Variants in GALNT2 observed in about 807,000 individuals in gnomAD.
GALNT2 encodes the protein UDP-GalNAc:polypeptide N-acetylgalactosaminyltransferase 2.
Under a neutral mutation model 81.4 loss-of-function variants are expected in GALNT2, and 31 were observed. The observed-to-expected ratio is 0.38, with a 90% confidence interval of 0.29 to 0.51. The LOEUF is 0.51. Among genes scored for constraint, GALNT2 ranks in the 20% least tolerant of loss-of-function variants. GALNT2 has a pLI of 0.87. For synonymous variants in GALNT2, 303 were observed against 287.4 expected (o/e 1.05, Z -0.55); for missense variants, 629 against 765.7 (o/e 0.82, Z 2.11).
intron 1 of GALNT2, among the ~76,000 whole-genome samples, chr1:230,145,230 C>T (rs963887650): frequency 6.6e-6 from 1 of 152,156 alleles, no homozygotes. Flanking sequence ...TGCTTGTTAG[C>T]AGGCAGGTTC....
intron 1 of GALNT2, among the ~76,000 whole-genome samples, chr1:230,122,646 G>C (rs1661054251): frequency 6.6e-6 from 1 of 151,326 alleles, no homozygotes; most frequent in South Asian, 2.1e-4. Context: ...GTACATACGT[G>C]TGTGTGTGTG....
chr1:230,075,787 G>A (rs1659533088), intron 1 of GALNT2, among the ~76,000 whole-genome samples: 1 of 152,170 alleles, frequency 6.6e-6, no homozygotes, highest in Non-Finnish European at 1.5e-5. Flanking sequence ...GGGGATTAGG[G>A]ATGAGGGCGG....
intron 14 of GALNT2, among the ~76,000 whole-genome samples, chr1:230,272,225 T>G (rs1187347552): frequency 6.6e-6 from 1 of 151,912 alleles, no homozygotes; most frequent in Admixed American, 6.6e-5. Context: ...AAGAGCTGGC[T>G]GGAACTCACC....
rs1043908 is a variant in GALNT2, at chr1:230,281,548, A to G, written c.*2090A>G. ...GATGAATCTGGCTCGTTTTAAAATCACGTTTTCTGACGAATCCTTTGCCCC... is the reference window on the plus strand; with the variant it reads ...GATGAATCTGGCTCGTTTTAAAATCGCGTTTTCTGACGAATCCTTTGCCCC... On this transcript the variant is annotated 3_prime_UTR_variant, in exon 16 of 16. Transcript: ENST00000366672. The G allele has an allele frequency of 0.13, 20,193 of 152,070 alleles. 1,509 individuals carry two copies. Among genetic ancestry groups the G allele is most frequent in the African/African-American group, 0.2 (8,359 of 41,374 alleles). The allele number at this position is 152,070 out of a possible 1,614,324, so 9.4% of individuals were successfully genotyped here.
intron 3 of GALNT2, among the ~76,000 whole-genome samples, chr1:230,212,641 A>G (rs939921892): frequency 2.6e-5 from 4 of 152,062 alleles, no homozygotes; most frequent in Non-Finnish European, 5.9e-5. Flanking sequence ...GGAAGTGGCC[A>G]GCAATAATGG....
At chr1:230,155,603 C>T (rs1415964621) in intron 1 of GALNT2, among the ~76,000 whole-genome samples, 1 of 152,194 alleles carries the variant, frequency 6.6e-6, no homozygotes, top group Non-Finnish European at 1.5e-5. Context: ...GCAGGACTCT[C>T]CCAGGACAGT....
intron 1 of GALNT2, among the ~76,000 whole-genome samples, chr1:230,142,668 G>T (rs556704593): frequency 2.8e-4 from 42 of 152,250 alleles, no homozygotes; most frequent in African/African-American, 1.0e-3. Context: ...TGGTGAGTCT[G>T]GAAGTCTAAA....
chr1:230,193,899 G>A lies in GALNT2; in HGVS notation c.221-9238G>A, dbSNP rs1663605731. On this transcript the variant is annotated intron_variant, in intron 2 of 15. Coordinates refer to ENST00000366672, the MANE Select transcript of GALNT2 (RefSeq NM_004481.5). The surrounding 1 kb of genome is among the most constrained non-coding windows in gnomAD (Gnocchi z 4.3). ...GCTGATGCTGGCGGGGCCCCGAGCA[G>A]CCTTCCCGGGGCCTCAGTGCCTATG... 6.6e-6 allele frequency among the ~76,000 whole-genome samples: 1 copy of A among 152,146 alleles called. No homozygotes were observed. Among genetic ancestry groups the A allele is most frequent in the South Asian group, 2.1e-4 (1 of 4,828 alleles).
chr1:230,192,896 A>G (rs1490299822), intron 2 of GALNT2, among the ~76,000 whole-genome samples: 7 of 152,256 alleles, frequency 4.6e-5, no homozygotes, highest in Non-Finnish European at 8.8e-5. Flanking sequence ...CCAGTGACAA[A>G]TAATAAAACA....
intron 3 of GALNT2, among the ~76,000 whole-genome samples, chr1:230,233,517 G>A (rs764119788): frequency 2.4e-4 from 36 of 152,290 alleles, no homozygotes; most frequent in Non-Finnish European, 4.0e-4. Flanking sequence ...GGAGGCTGAG[G>A]CAGGAGAATC....
At chr1:230,236,569 C>T (rs1316717501) in intron 5 of GALNT2, 91 bp from the exon 6 acceptor site, 21 of 1,432,868 alleles carry the variant, frequency 1.5e-5, no homozygotes, top group East Asian at 2.3e-5. Flanking sequence ...AGGAGATAAT[C>T]GGCCCTTAGA....
intron 14 of GALNT2, among the ~76,000 whole-genome samples, chr1:230,273,218 A>G (rs891533909): frequency 2.6e-5 from 4 of 152,224 alleles, no homozygotes; most frequent in Admixed American, 6.5e-5. Context: ...CAGTGTCTTC[A>G]TAGCACATAA....
At chr1:230,183,162 T>G (rs2102689651) in intron 2 of GALNT2, among the ~76,000 whole-genome samples, 2 of 152,306 alleles carry the variant, frequency 1.3e-5, no homozygotes, top group South Asian at 4.1e-4. Context: ...TCTATGTGTG[T>G]TGTTTTATTT....
chr1:230,095,610 G>A (rs944213280), intron 1 of GALNT2, among the ~76,000 whole-genome samples: 2 of 124,554 alleles, frequency 1.6e-5, no homozygotes, highest in African/African-American at 2.7e-5. Context: ...GGTGACTCCA[G>A]TGTCCTGTGG....
Position 230,275,127 on chromosome 1 carries a change from TACACACC to T in GALNT2, c.1560+567_1560+573del, listed in dbSNP as rs924402762. 2.0e-5 allele frequency among the ~76,000 whole-genome samples: 3 copies of T among 149,288 alleles called. No individual in the cohort carries two copies. Among genetic ancestry groups the T allele is most frequent in the African/African-American group, 7.6e-5 (3 of 39,568 alleles). On this transcript the variant is annotated intron_variant, in intron 15 of 15. Coordinates refer to ENST00000366672, the MANE Select transcript of GALNT2 (RefSeq NM_004481.5). The surrounding 1 kb of genome is among the most constrained non-coding windows in gnomAD (Gnocchi z 5.5). Reference sequence around the variant, plus strand: ...CACACCACATATATATACATATATATACACACCACATATACATATATACACACCACAT... The same window carrying T: ...CACACCACATATATATACATATATATACATATACATATATACACACCACAT...
chr1:230,150,778 C>T (rs1662072150), intron 1 of GALNT2, among the ~76,000 whole-genome samples: 1 of 152,214 alleles, frequency 6.6e-6, no homozygotes, highest in Non-Finnish European at 1.5e-5. Context: ...ACTCCTTTTC[C>T]CACCCAGGGA....
rs112513027 is a variant in GALNT2 at position 230,193,587 on chromosome 1, C to CT, written c.221-9540dup. Among the ~76,000 whole-genome samples the CT allele has an allele frequency of 0.27, 39,641 of 148,422 alleles. 5,170 individuals carry two copies. Among genetic ancestry groups the CT allele is most frequent in the African/African-American group, 0.28 (11,426 of 40,414 alleles). ...GGTCAGTTTTATAGGTTTCTGTCAT[C>CT]TTTTTTTTTTCAAATATAAGGTTTA... is the stretch of plus-strand genomic sequence containing the variant. On this transcript the variant is annotated intron_variant, in intron 2 of 15. Coordinates refer to ENST00000366672, the MANE Select transcript of GALNT2 (RefSeq NM_004481.5). The surrounding 1 kb of genome is among the most constrained non-coding windows in gnomAD (Gnocchi z 4.3).
chr1:230,147,036 C>G (rs967076914), intron 1 of GALNT2, among the ~76,000 whole-genome samples: 1 of 151,990 alleles, frequency 6.6e-6, no homozygotes, highest in Non-Finnish European at 1.5e-5. Flanking sequence ...AGGCCTTCAG[C>G]TGTGGCAGGG....
At chr1:230,255,472 C>T (rs1330909303) in intron 11 of GALNT2, 128 bp downstream of exon 11, 2 of 1,283,570 alleles carry the variant, frequency 1.6e-6, no homozygotes, top group Non-Finnish European at 2.2e-6. Context: ...TGGAATACCA[C>T]TTAGCAATTG....
Sources: allele counts gnomAD v4.1 joint callset (sites outside exome capture counted in the v4.1 genomes callset), GRCh38; gene constraint gnomAD v4.1.1; non-coding constraint Gnocchi (gnomAD v3.1); transcripts MANE v1.5; gene names NCBI Gene and HGNC (gene_info 2026-07-23, HGNC 2026-07-21).